CHTF18: variants seen among roughly 807,000 people sequenced by gnomAD.
CHTF18 encodes the protein chromosome transmission fidelity protein 18 homolog.
CHTF18 carries 151 observed loss-of-function variants against 113.4 expected under a neutral mutation model. That is an observed-to-expected ratio of 1.33 (90% CI 1.17 to 1.52). CHTF18 has a LOEUF of 1.52. Ranked by LOEUF, CHTF18 falls within the 40% of genes most tolerant of loss-of-function variation. CHTF18 has a pLI of 0.00. For synonymous variants in CHTF18, 916 were observed against 598.8 expected (o/e 1.53, Z -7.74); for missense variants, 1,982 against 1,381.6 (o/e 1.43, Z -6.89).
chr16:789,638 T>A lies in CHTF18; in HGVS notation c.529T>A (p.Tyr177Asn), dbSNP rs781748325. ...VLRRPPILED[Y>N]VHVTSTEGVR... The stretch of plus-strand genomic sequence containing the variant: ...GAGGCGGCCCCCCATCTTGGAGGAC[T>A]ACGTCCACGTGACATCCACGGAGGG... The change falls in exon 4 of 22, where the codon TAC becomes AAC. Residue 177 changes from tyrosine to asparagine, a missense_variant. Physicochemically the swap from Tyr to Asn is moderately radical, Grantham distance 143 (BLOSUM62 -2). Transcript: ENST00000262315. The A allele has an allele frequency of 1.7e-5, 27 of 1,607,238 alleles. No individual in the cohort carries two copies. Among genetic ancestry groups the A allele is most frequent in the South Asian group, 1.5e-4 (14 of 91,082 alleles).
Position 792,605 on chromosome 16 carries a change from G to T in CHTF18, c.1478+15G>T. ...TGCAATGACCAGTGAGTGCATGGGC[G>T]GGCGCCACAGTCAGGAGAGGCTCTG... On this transcript the variant is annotated intron_variant, in intron 11 of 21. Coordinates refer to ENST00000262315, the MANE Select transcript of CHTF18 (RefSeq NM_022092.3). 6.3e-7 allele frequency: 1 copy of T among 1,592,574 alleles called. No homozygotes were observed.
At position 794,198 on chromosome 16, in the gene CHTF18, C is replaced by A; in HGVS notation, c.1947C>A (p.Val649=). 1 of 1,610,514 alleles carries A rather than the reference C, an allele frequency of 6.2e-7. No individual in the cohort carries two copies. The highest frequency in any genetic ancestry group is 8.5e-7 in the Non-Finnish European group (1 of 1,178,254). The change falls in exon 15 of 22, where the codon GTC becomes GTA. Residue 649 remains valine (V), a synonymous_variant. Coordinates refer to ENST00000262315, the MANE Select transcript of CHTF18 (RefSeq NM_022092.3). ...AASAGEHEKV[V]QGLFDNFLRL... ...CTGCGGGCGAGCACGAGAAGGTGGT[C>A]CAGGTACCTGTCTTCCACCAAAATG...
rs1427114349 is a variant in CHTF18 at position 791,861 on chromosome 16, T to C, written c.1115T>C (p.Leu372Pro). 6.2e-7 allele frequency: 1 copy of C among 1,605,756 alleles called. No homozygotes were observed. The highest frequency in any genetic ancestry group is 8.5e-7 in the Non-Finnish European group (1 of 1,177,094). Reference protein sequence around the residue: ...SQRPKQKVALLCGPPGLGKTT... With the variant: ...SQRPKQKVALPCGPPGLGKTT... ...CTACCTGGGCTGCAGGTGGCACTGC[T>C]CTGTGGGCCCCCGGGGCTGGGGAAG... The change falls in exon 9 of 22, where the codon CTC becomes CCC. Residue 372 changes from leucine (L) to proline (P), a missense_variant. Physicochemically the swap from Leu to Pro is moderately conservative, Grantham distance 98 (BLOSUM62 -3). Transcript: ENST00000262315.
At chr16:792,618 A>G in intron 11 of CHTF18, 28 bp downstream of exon 11, 5 of 1,591,490 alleles carry the variant, frequency 3.1e-6, no homozygotes, top group Non-Finnish European at 4.3e-6. Context: ...CGCCACAGTC[A>G]GGAGAGGCTC....
rs557926067 is a variant in CHTF18 at position 796,666 on chromosome 16, C to T, written c.2457-51C>T. On this transcript the variant is annotated intron_variant, in intron 18 of 21. Coordinates refer to ENST00000262315, the MANE Select transcript of CHTF18 (RefSeq NM_022092.3). Reference sequence around the variant, plus strand: ...GTTGGAGTGCCCGGCGGCTCTCTGGCCCTGAGCCTGGCCCCGCTGACCTGC... The same window carrying T: ...GTTGGAGTGCCCGGCGGCTCTCTGGTCCTGAGCCTGGCCCCGCTGACCTGC... 3.0e-5 allele frequency: 45 copies of T among 1,525,416 alleles called. No individual in the cohort carries two copies. In the African/African-American group the frequency reaches 5.8e-4, roughly 20 times the overall value. 94.5% of individuals were successfully genotyped at this position (1,525,416 alleles called of 1,614,324 possible).
In CHTF18 at chr16:795,987, T is replaced by C. The variant is rs750585469; in HGVS notation, c.2366T>C (p.Leu789Pro). The C allele has an allele frequency of 6.2e-7, 1 of 1,608,692 alleles. No individual in the cohort carries two copies. Among genetic ancestry groups the C allele is most frequent in the African/African-American group, 1.3e-5 (1 of 74,802 alleles). The change falls in exon 18 of 22, where the codon CTG (leucine) becomes CCG (proline). Residue 789 changes from leucine to proline, a missense_variant. Coordinates refer to ENST00000262315, the MANE Select transcript of CHTF18 (RefSeq NM_022092.3). ...TACAGCACCCGTGAAAAGCAACAGC[T>C]GGCCAGCCTGGTGGGCACGATGCTC... ...QLYSTREKQQLASLVGTMLAY... is the reference protein window; with the variant it reads ...QLYSTREKQQPASLVGTMLAY...
At chr16:797,623 TC>T in intron 20 of CHTF18, 70 bp from the exon 21 acceptor site, 1 of 1,546,136 alleles carries the variant, frequency 6.5e-7, no homozygotes, top group South Asian at 1.1e-5. Context: ...AGGCTCTCGG[TC>T]CTCCTGTCTT....
chr16:793,016 C>G lies in CHTF18; in HGVS notation c.1623C>G (p.Leu541=), dbSNP rs183654445. 1 of 1,545,382 alleles carries G rather than the reference C, an allele frequency of 6.5e-7. No individual in the cohort carries two copies. Among genetic ancestry groups the G allele is most frequent in the Non-Finnish European group, 8.7e-7 (1 of 1,143,058 alleles). Residue 541 remains leucine (L), a synonymous_variant, in exon 13 of 22, where the codon CTC becomes CTG. Transcript: ENST00000262315. ...MRADPGVLAA[L]CEKTDNDIRA... ...CCGACCCAGGGGTGCTGGCCGCCCTCTGTGAGAAAACTGACAATGACATCC... is the reference window on the plus strand; with the variant it reads ...CCGACCCAGGGGTGCTGGCCGCCCTGTGTGAGAAAACTGACAATGACATCC...
rs745911940 is a variant in CHTF18, at chr16:790,370, G to A, written c.723G>A (p.Glu241=). 1 of 1,611,800 alleles carries A rather than the reference G, an allele frequency of 6.2e-7. No homozygotes were observed. Among genetic ancestry groups the A allele is most frequent in the East Asian group, 2.2e-5 (1 of 44,832 alleles). Reference sequence around the variant, plus strand: ...AGCGGCGGGAGCGGCTGCTTCAGGAGGCCCAGAAGCTTTCAGACACCCTGC... The same window carrying A: ...AGCGGCGGGAGCGGCTGCTTCAGGAAGCCCAGAAGCTTTCAGACACCCTGC... ...DGERRERLLQ[E]AQKLSDTLHS... is the part of the protein sequence containing the mutation. The change falls in exon 6 of 22, where the codon GAG becomes GAA. Residue 241 remains glutamate, a synonymous_variant. Coordinates refer to ENST00000262315, the MANE Select transcript of CHTF18 (RefSeq NM_022092.3).
At position 790,277 on chromosome 16, in the gene CHTF18, CTGCGGGTT is replaced by C; in HGVS notation, c.699+12_699+19del. The C allele has an allele frequency of 6.2e-7, 1 of 1,608,036 alleles. No homozygotes were observed. The highest frequency in any genetic ancestry group is 8.5e-7 in the Non-Finnish European group (1 of 1,178,148). On this transcript the variant is annotated intron_variant, in intron 5 of 21. Transcript: ENST00000262315. ...AAGCAGGTCGACGGCGAGGTAGGGG[CTGCGGGTT>C]TGCTGGGGGGCGGTGGCGGGGCCGC...
chr16:795,951 G>C lies in CHTF18; in HGVS notation c.2330G>C (p.Ser777Thr). 1 of 1,609,794 alleles carries C rather than the reference G, an allele frequency of 6.2e-7. No individual in the cohort carries two copies. Among genetic ancestry groups the C allele is most frequent in the South Asian group, 1.1e-5 (1 of 90,406 alleles). The change falls in exon 18 of 22, where the codon AGC (serine) becomes ACC (threonine). Residue 777 changes from serine (S) to threonine (T), a missense_variant. Coordinates refer to ENST00000262315, the MANE Select transcript of CHTF18 (RefSeq NM_022092.3). ...CTGCTGCCTCCCATCCCCTAGGTGA[G>C]CACACAGCTGTACAGCACCCGTGAA... ...DILAPKLRPV[S>T]TQLYSTREKQ...
chr16:797,985 C>A lies in CHTF18; in HGVS notation c.*10C>A. On this transcript the variant is annotated 3_prime_UTR_variant, in exon 22 of 22. Coordinates refer to ENST00000262315, the MANE Select transcript of CHTF18 (RefSeq NM_022092.3). ...CAGGGACTTGCTCTAGTTCTCTGAG[C>A]CGCGGACATGCCCTCGCATTGCTTC... The A allele has an allele frequency of 6.2e-7, 1 of 1,605,936 alleles. No homozygotes were observed. The highest frequency in any genetic ancestry group is 8.5e-7 in the Non-Finnish European group (1 of 1,175,610).
intron 4 of CHTF18, chr16:789,933 G>A (rs145774371): frequency 1.9e-5 from 28 of 1,497,040 alleles, no homozygotes; most frequent in Middle Eastern, 1.7e-4. Context: ...GGGTGGAGAG[G>A]GCCTCCTTGC....
Position 790,532 on chromosome 16 carries a change from T to G in CHTF18, c.760T>G (p.Ser254Ala). The G allele has an allele frequency of 1.2e-6, 2 of 1,600,368 alleles. No homozygotes were observed. The highest frequency in any genetic ancestry group is 8.5e-7 in the Non-Finnish European group (1 of 1,174,528). The change falls in exon 7 of 22, where the codon TCG (serine) becomes GCG (alanine). Residue 254 changes from serine to alanine, a missense_variant. Ser to Ala is a moderately conservative substitution (Grantham distance 99, BLOSUM62 1). Coordinates refer to ENST00000262315, the MANE Select transcript of CHTF18 (RefSeq NM_022092.3). ...GGACGTGGTCCTCTCCAGTCTCAGG[T>G]CGGGGGAGGAGGAGGCAGCCCAGCC... ...KLSDTLHSLR[S>A]GEEEAAQPLG...
At position 797,674 on chromosome 16, in the gene CHTF18, C is replaced by T. The variant is rs116392840; in HGVS notation, c.2734-20C>T. 8.1e-4 allele frequency: 1,298 copies of T among 1,611,124 alleles called. 14 individuals are homozygous for T. In the African/African-American group the frequency reaches 0.014, roughly 17 times the overall value. On this transcript the variant is annotated intron_variant, in intron 20 of 21. Coordinates refer to ENST00000262315, the MANE Select transcript of CHTF18 (RefSeq NM_022092.3). ...TGGGGCATCTGTCCTATACGACTGA[C>T]TAGTCCTTCCTCCCATCAGCCTGAG... is the stretch of plus-strand genomic sequence containing the variant.
chr16:791,977 C>G (rs761429699), intron 9 of CHTF18, 29 bp downstream of exon 9: 1 of 1,584,592 alleles, frequency 6.3e-7, no homozygotes, highest in Non-Finnish European at 8.6e-7. Context: ...GTCTCTGGCT[C>G]GCCTTCTGTC....
intron 8 of CHTF18, 68 bp from the exon 9 acceptor site, chr16:791,783 C>T (rs978534017): frequency 3.3e-5 from 50 of 1,528,072 alleles, no homozygotes; most frequent in Admixed American, 4.1e-5. Context: ...GTGGCAGTCC[C>T]TGGCTGCTAG....
In CHTF18 at chr16:789,328, C is replaced by A. The variant is rs749238545; in HGVS notation, c.405C>A (p.Ser135Arg). Residue 135 changes from serine (S) to arginine (R), a missense_variant, in exon 3 of 22, where the codon AGC becomes AGA. By Grantham distance (110) the Ser-to-Arg change is moderately radical. Transcript: ENST00000262315. ...SSPTDITPPP[S>R]PEDLAELWGH... ...CGACGGACATCACCCCGCCGCCGAG[C>A]CCTGAGGACCTCGCAGAGCTTTGGG... is the stretch of plus-strand genomic sequence containing the variant. 2 of 1,601,958 alleles carry A rather than the reference C, an allele frequency of 1.2e-6. No individual in the cohort carries two copies. Among genetic ancestry groups the A allele is most frequent in the South Asian group, 1.1e-5 (1 of 89,344 alleles).
Position 797,571 on chromosome 16 carries a change from C to G in CHTF18, c.2734-123C>G, listed in dbSNP as rs561479826. On this transcript the variant is annotated intron_variant, in intron 20 of 21. Transcript: ENST00000262315. Reference sequence around the variant, plus strand: ...GGGGCAGCTGGCCTGGGCCAGGTTCCGAAAGGTGTCTCAGAGGTGTTCTGG... The same window carrying G: ...GGGGCAGCTGGCCTGGGCCAGGTTCGGAAAGGTGTCTCAGAGGTGTTCTGG... The G allele has an allele frequency of 8.6e-6, 9 of 1,043,318 alleles. No homozygotes were observed. The African/African-American group carries it at 1.3e-4, about 15-fold the overall frequency. 64.6% of individuals were successfully genotyped at this position (1,043,318 alleles called of 1,614,324 possible).
Sources: allele counts gnomAD v4.1 joint callset, GRCh38; gene constraint gnomAD v4.1.1; transcripts MANE v1.5; gene names NCBI Gene and HGNC (gene_info 2026-07-23, HGNC 2026-07-21).